Variants in DCAF10 observed in about 807,000 individuals in gnomAD.
DCAF10 encodes the protein DDB1 and CUL4 associated factor 10, also known as DDB1- and CUL4-associated factor 10.
Under a neutral mutation model 51.9 loss-of-function variants are expected in DCAF10, and 19 were observed. That is an observed-to-expected ratio of 0.37 (90% CI 0.26 to 0.54). The LOEUF (loss-of-function observed/expected upper bound fraction) is 0.54, where lower values mean the gene tolerates loss of function less well. DCAF10 is among the 20% of genes least tolerant of loss of function. DCAF10 has a pLI of 0.87. For synonymous variants in DCAF10, 291 were observed against 297.1 expected (o/e 0.98, Z 0.21); for missense variants, 510 against 730.6 (o/e 0.70, Z 3.48).
At chr9:37,841,639 A>T (rs578161581) in intron 2 of DCAF10, among the ~76,000 whole-genome samples, 65 of 152,308 alleles carry the variant, frequency 4.3e-4, no homozygotes, top group Middle Eastern at 3.4e-3. Flanking sequence ...AAATAGAAAA[A>T]GATGTTCCTT....
At chr9:37,824,955 T>C (rs1404939166) in intron 2 of DCAF10, among the ~76,000 whole-genome samples, 1 of 152,142 alleles carries the variant, frequency 6.6e-6, no homozygotes, top group Non-Finnish European at 1.5e-5. Context: ...TTATAAAGAA[T>C]TAGAAGTCTA....
At position 37,863,831 on chromosome 9, in the gene DCAF10, T is replaced by G. The variant is rs1474770635; in HGVS notation, c.*2323T>G. 6.6e-6 allele frequency: 1 copy of G among 152,192 alleles called. No homozygotes were observed. Among genetic ancestry groups the G allele is most frequent in the East Asian group, 1.9e-4 (1 of 5,206 alleles). 9.4% of individuals were successfully genotyped at this position (152,192 alleles called of 1,614,324 possible). A position where few individuals can be genotyped will look rare whatever the true frequency, so the allele number is the denominator to read the frequency against. ...TGCCAACTAACTATTCACACACATT[T>G]ATAGAGGTTATAAGGATCTTGGCTC... On this transcript the variant is annotated 3_prime_UTR_variant, in exon 7 of 7. Coordinates refer to ENST00000377724, the MANE Select transcript of DCAF10 (RefSeq NM_024345.5).
At chr9:37,838,760 G>A (rs780843606) in intron 2 of DCAF10, among the ~76,000 whole-genome samples, 7 of 151,554 alleles carry the variant, frequency 4.6e-5, no homozygotes, top group African/African-American at 1.5e-4. Context: ...GCATCGCAGC[G>A]GGCACCTGTA....
At chr9:37,822,098 A>G (rs1379765528) in intron 2 of DCAF10, among the ~76,000 whole-genome samples, 1 of 152,176 alleles carries the variant, frequency 6.6e-6, no homozygotes, top group African/African-American at 2.4e-5. Flanking sequence ...AATGGCCATA[A>G]TCAAAAAATC....
rs1831138910 is a variant in DCAF10, at chr9:37,866,442, TG to T, written c.*4935del. Reference sequence around the variant, plus strand: ...CAGCCCTGAGGTATACAGAATCATTTGCCTCAGACTGCTGTTGGATTTTAAA... The same window carrying T: ...CAGCCCTGAGGTATACAGAATCATTTCCTCAGACTGCTGTTGGATTTTAAA... On this transcript the variant is annotated 3_prime_UTR_variant, in exon 7 of 7. Transcript: ENST00000377724. The T allele has an allele frequency of 6.6e-6, 1 of 152,384 alleles. No individual in the cohort carries two copies. Among genetic ancestry groups the T allele is most frequent in the South Asian group, 2.1e-4 (1 of 4,834 alleles). The allele number at this position is 152,384 out of a possible 1,614,324, so 9.4% of individuals were successfully genotyped here.
chr9:37,803,819 A>G (rs1051964148), intron 1 of DCAF10, among the ~76,000 whole-genome samples: 4 of 151,340 alleles, frequency 2.6e-5, no homozygotes, highest in African/African-American at 4.9e-5. Context: ...GGACTTCTCA[A>G]TACAGAGAAG....
intron 1 of DCAF10, among the ~76,000 whole-genome samples, chr9:37,811,498 A>G (rs1285128312): frequency 2.0e-5 from 3 of 152,200 alleles, no homozygotes; most frequent in East Asian, 1.9e-4. Flanking sequence ...CATTAAAACT[A>G]TTTAATATGT....
chr9:37,800,635 GTCGCTCACACAGGTAACTAC>G (rs1478404111), upstream of DCAF10: 2 of 1,536,014 alleles, frequency 1.3e-6, no homozygotes, highest in Admixed American at 3.9e-5. Flanking sequence ...CAGATGCTCA[GTCGCTCACACAGGTAACTAC>G]TCGCTCCCTA....
intron 1 of DCAF10, among the ~76,000 whole-genome samples, chr9:37,818,718 G>A (rs1829618671): frequency 6.6e-6 from 1 of 152,104 alleles, no homozygotes; most frequent in African/African-American, 2.4e-5. Flanking sequence ...TAATTTGGTT[G>A]TATATGAATT....
At position 37,866,317 on chromosome 9, in the gene DCAF10, A is replaced by T. The variant is rs1208856407; in HGVS notation, c.*4809A>T. On this transcript the variant is annotated 3_prime_UTR_variant, in exon 7 of 7. Coordinates refer to ENST00000377724, the MANE Select transcript of DCAF10 (RefSeq NM_024345.5). ...ATTTTCATGATGAAAAGTTAAAGTTATATTCATAATGTATTATTATAAGTA... is the reference window on the plus strand; with the variant it reads ...ATTTTCATGATGAAAAGTTAAAGTTTTATTCATAATGTATTATTATAAGTA... 2.0e-5 allele frequency: 3 copies of T among 152,648 alleles called. No individual in the cohort carries two copies. The highest frequency in any genetic ancestry group is 7.2e-5 in the African/African-American group (3 of 41,464). The allele number at this position is 152,648 out of a possible 1,614,324, so 9.5% of individuals were successfully genotyped here.
At chr9:37,818,871 C>T (rs748760357) in intron 1 of DCAF10, among the ~76,000 whole-genome samples, 21 of 152,100 alleles carry the variant, frequency 1.4e-4, no homozygotes, top group Non-Finnish European at 2.9e-4. Flanking sequence ...TGTACTATGG[C>T]TTGTATAATC....
At position 37,862,294 on chromosome 9, in the gene DCAF10, A is replaced by C. The variant is rs534073759; in HGVS notation, c.*786A>C. On this transcript the variant is annotated 3_prime_UTR_variant, in exon 7 of 7. Transcript: ENST00000377724. ...AACAGCATTAGAAAGGAAAGGAGAC[A>C]GAATGAGCTTTGGTTATTTCTATTG... is the stretch of plus-strand genomic sequence containing the variant. The C allele has an allele frequency of 6.5e-6, 1 of 152,802 alleles. No homozygotes were observed. Among genetic ancestry groups the C allele is most frequent in the Non-Finnish European group, 1.5e-5 (1 of 68,034 alleles). 9.5% of individuals were successfully genotyped at this position (152,802 alleles called of 1,614,324 possible).
chr9:37,852,030 G>T (rs994705686), intron 3 of DCAF10, among the ~76,000 whole-genome samples: 1 of 151,866 alleles, frequency 6.6e-6, no homozygotes, highest in Non-Finnish European at 1.5e-5. Flanking sequence ...TGAATAATAC[G>T]AATCTTAAGA....
intron 2 of DCAF10, among the ~76,000 whole-genome samples, chr9:37,827,577 C>T (rs983785823): frequency 2.0e-5 from 3 of 151,908 alleles, no homozygotes; most frequent in African/African-American, 7.3e-5. Context: ...ATAAGAAAGA[C>T]AGGAATCCAT....
rs1554685707 is a variant in DCAF10, at chr9:37,816,659, GGTGT to G, written c.540-2600_540-2597del. ...AATCTCAATTAACATCTGCACCTGG[GGTGT>G]GTGTGTGTGTGTGTGTGTGTGTGTG... On this transcript the variant is annotated intron_variant, in intron 1 of 6. Coordinates refer to ENST00000377724, the MANE Select transcript of DCAF10 (RefSeq NM_024345.5). 1.5e-3 allele frequency among the ~76,000 whole-genome samples: 219 copies of G among 144,940 alleles called. 1 individual carries two copies. The highest frequency in any genetic ancestry group is 3.6e-3 in the Middle Eastern group (1 of 274).
In DCAF10 at chr9:37,813,732, A is replaced by G. The variant is rs186535681; in HGVS notation, c.540-5556A>G. Among the ~76,000 whole-genome samples the G allele has an allele frequency of 1.7e-3, 261 of 152,328 alleles. 1 individual carries two copies. Among genetic ancestry groups the G allele is most frequent in the African/African-American group, 5.6e-3 (232 of 41,592 alleles). ...TTGAGATTAAGCAGTTTGTTTTTCA[A>G]TGAAAGTTCAGGAAATAAATAACTA... On this transcript the variant is annotated intron_variant, in intron 1 of 6. Transcript: ENST00000377724.
At chr9:37,838,143 G>T (rs907398847) in intron 2 of DCAF10, among the ~76,000 whole-genome samples, 13 of 152,200 alleles carry the variant, frequency 8.5e-5, no homozygotes, top group African/African-American at 2.6e-4. Flanking sequence ...TATCTTTAAA[G>T]ATTTTTTTTA....
chr9:37,816,656 TG>T (rs201441275), intron 1 of DCAF10, among the ~76,000 whole-genome samples: 1 of 142,624 alleles, frequency 7.0e-6, no homozygotes, highest in Non-Finnish European at 1.5e-5. Context: ...CATCTGCACC[TG>T]GGGTGTGTGT....
chr9:37,808,590 T>C, intron 1 of DCAF10, among the ~76,000 whole-genome samples: 1 of 106,818 alleles, frequency 9.4e-6, no homozygotes, highest in East Asian at 2.3e-4. Context: ...ATAAAATATA[T>C]TTATATAATA....
Sources: gnomAD v4.1 joint callset for allele counts (sites outside exome capture counted in the v4.1 genomes callset) on GRCh38, gnomAD v4.1.1 for gene constraint, MANE v1.5 for transcripts, NCBI Gene and HGNC (gene_info 2026-07-23, HGNC 2026-07-21) for gene names.